The following ACE variants were observed in gnomAD, a reference collection of about 807,000 sequenced individuals.
ACE encodes angiotensin I converting enzyme.
ACE carries 122 observed loss-of-function variants against 162.3 expected under a neutral mutation model. The observed-to-expected ratio is 0.75, with a 90% CI of 0.65 to 0.87. The LOEUF (loss-of-function observed/expected upper bound fraction) is 0.87. ACE is among the 40% of genes least tolerant of loss of function. The probability of loss-of-function intolerance (pLI) is 0.00; values close to 1 mark genes in which losing one functional copy is unlikely to be tolerated. For synonymous variants in ACE, 796 were observed against 720.6 expected, an observed-to-expected ratio of 1.10 and a Z score of -1.68; for missense variants, 1,799 against 1,735.1, an observed-to-expected ratio of 1.04 and a Z score of -0.65.
rs576744905 is a variant in ACE at position 63,477,356 on chromosome 17, G to T, written c.249+13G>T. 12 of 1,278,846 alleles carry T rather than the reference G, an allele frequency of 9.4e-6. No homozygotes were observed. In the Admixed American group the frequency reaches 2.8e-4, roughly 30 times the overall value. The allele number at this position is 1,278,846 out of a possible 1,614,324, so 79.2% of individuals were successfully genotyped here. A position where few individuals can be genotyped will look rare whatever the true frequency, so the allele number is the denominator to read the frequency against. On this transcript the variant is annotated intron_variant, in intron 1 of 24. Coordinates refer to ENST00000290866, the MANE Select transcript of ACE (RefSeq NM_000789.4). ...TGCAAGGCGCCAGGTGGGCGCCCGG[G>T]CCCGGGCGGGGGCGGGGCGGGGCCG...
chr17:63,486,170 A>T, intron 13 of ACE: 1 of 331,136 alleles, frequency 3.0e-6, no homozygotes, highest in South Asian at 2.8e-5. Context: ...CTGTTGCCTC[A>T]TCTTTTTCTC....
chr17:63,484,172 C>T lies in ACE; in HGVS notation c.1710-158C>T, dbSNP rs1189670161. On this transcript the variant is annotated intron_variant, in intron 11 of 24. Coordinates refer to ENST00000290866, the MANE Select transcript of ACE (RefSeq NM_000789.4). This position sits in a 1 kb window ranked among gnomAD's most constrained non-coding sequence, Gnocchi z 4.0. ...CTGGCATGGGGCGACACAAATGCCCCCTGCCACCATCAGAGAGATCCCAGG... is the reference window on the plus strand; with the variant it reads ...CTGGCATGGGGCGACACAAATGCCCTCTGCCACCATCAGAGAGATCCCAGG... 6.6e-6 allele frequency among the ~76,000 whole-genome samples: 1 copy of T among 152,212 alleles called. No individual in the cohort carries two copies. The highest frequency in any genetic ancestry group is 1.5e-5 in the Non-Finnish European group (1 of 68,036).
In ACE at chr17:63,483,032, G is replaced by C. The variant is rs373076770; in HGVS notation, c.1346G>C (p.Ser449Thr). The change falls in exon 9 of 25, where the codon AGT (serine) becomes ACT (threonine). Residue 449 changes from serine (S) to threonine (T), a missense_variant. Coordinates refer to ENST00000290866, the MANE Select transcript of ACE (RefSeq NM_000789.4). ...CTTTCATCTCATCTCCCAACAGAAA[G>C]TGACATCAATTACTTGCTAAAAATG... ...LLDRVTNDTE[S>T]DINYLLKMAL... 2 of 1,613,996 alleles carry C rather than the reference G, an allele frequency of 1.2e-6. No homozygotes were observed. Among genetic ancestry groups the C allele is most frequent in the Non-Finnish European group, 1.7e-6 (2 of 1,180,010 alleles).
At chr17:63,496,762 C>G in intron 23 of ACE, 36 bp from the exon 24 acceptor site, 1 of 1,608,606 alleles carries the variant, frequency 6.2e-7, no homozygotes, top group South Asian at 1.1e-5. Flanking sequence ...GGGCCATGTC[C>G]TTCTGACTCT....
rs1188044442 is a variant in ACE at position 63,478,024 on chromosome 17, C to T, written c.343C>T (p.Pro115Ser). Residue 115 changes from proline (P) to serine (S), a missense_variant, in exon 2 of 25, where the codon CCG (proline) becomes TCG (serine). Transcript: ENST00000290866. Reference protein sequence around the residue: ...YEPIWQNFTDPQLRRIIGAVR... With the variant: ...YEPIWQNFTDSQLRRIIGAVR... ...ACCGATCTGGCAGAACTTCACGGAC[C>T]CGCAGCTGCGCAGGATCATCGGAGC... The T allele has an allele frequency of 1.2e-6, 2 of 1,609,714 alleles. No individual in the cohort carries two copies. Among genetic ancestry groups the T allele is most frequent in the East Asian group, 2.2e-5 (1 of 44,740 alleles).
At chr17:63,478,640 G>A (rs760908844) in intron 2 of ACE, 2 of 373,108 alleles carry the variant, frequency 5.4e-6, no homozygotes, top group Non-Finnish European at 1.0e-5. Context: ...CCCAGCCTGC[G>A]TGACAGAGTG....
Position 63,488,367 on chromosome 17 carries a change from A to G in ACE, c.2306-281A>G, listed in dbSNP as rs1282450512. ...GAGTGAGACCCTGTCTCAGAAAAAA[A>G]AAAAAAAAAAAAAAGGAGAGGAGAG... is the stretch of plus-strand genomic sequence containing the variant. On this transcript the variant is annotated intron_variant, in intron 15 of 24. Transcript: ENST00000290866. 1.5e-3 allele frequency among the ~76,000 whole-genome samples: 216 copies of G among 146,176 alleles called. 1 individual carries two copies. The highest frequency in any genetic ancestry group is 2.4e-3 in the African/African-American group (94 of 39,784).
At chr17:63,489,714 C>G (rs2030240796) in intron 17 of ACE, among the ~76,000 whole-genome samples, 1 of 152,194 alleles carries the variant, frequency 6.6e-6, no homozygotes, top group African/African-American at 2.4e-5. Flanking sequence ...AAAGCAGAGG[C>G]TACTGGTTCT....
At position 63,483,112 on chromosome 17, in the gene ACE, T is replaced by TG. The variant is rs1246593224; in HGVS notation, c.1432dup (p.Val478GlyfsTer3). 3.7e-6 allele frequency: 6 copies of TG among 1,614,038 alleles called. No homozygotes were observed. Among genetic ancestry groups the TG allele is most frequent in the South Asian group, 1.1e-5 (1 of 91,088 alleles). ...TGGCTACTTGGTGGACCAGTGGCGC[T>TG]GGGGGGTCTTTAGTGGGCGTACCCC... On this transcript the variant is annotated frameshift_variant, in exon 9 of 25. Transcript: ENST00000290866. LOFTEE classifies it high-confidence loss of function.
At chr17:63,480,053 G>A in intron 4 of ACE, 141 bp downstream of exon 4, 2 of 1,356,048 alleles carry the variant, frequency 1.5e-6, no homozygotes, top group Non-Finnish European at 1.0e-6. Context: ...GTGGAGGTGG[G>A]ACCGGCCTGC....
rs1599149133 is a variant in ACE, at chr17:63,488,810, C to T, written c.2449+19C>T. 6.2e-7 allele frequency: 1 copy of T among 1,614,064 alleles called. No individual in the cohort carries two copies. The highest frequency in any genetic ancestry group is 8.5e-7 in the Non-Finnish European group (1 of 1,180,032). Reference sequence around the variant, plus strand: ...CTCAATGGTGAGTCCCTGCTGCCAACATCACTGGCACTTGGGTCCCTTCAT... The same window carrying T: ...CTCAATGGTGAGTCCCTGCTGCCAATATCACTGGCACTTGGGTCCCTTCAT... On this transcript the variant is annotated intron_variant, in intron 16 of 24. Transcript: ENST00000290866.
At chr17:63,493,387 T>C in intron 19 of ACE, 49 bp from the exon 20 acceptor site, 5 of 1,575,216 alleles carry the variant, frequency 3.2e-6, no homozygotes, top group South Asian at 2.2e-5. Flanking sequence ...TGCCCAGGGC[T>C]TCTCACTGTC....
chr17:63,483,567 G>GCGGGGGGGGCCCCCCCCCCC lies in ACE; in HGVS notation c.1586+10_1586+11insGGGGGGGGCCCCCCCCCCCC. 6 of 1,589,260 alleles carry GCGGGGGGGGCCCCCCCCCCC rather than the reference G, an allele frequency of 3.8e-6. No individual in the cohort carries two copies. Among genetic ancestry groups the GCGGGGGGGGCCCCCCCCCCC allele is most frequent in the Non-Finnish European group, 4.3e-6 (5 of 1,165,488 alleles). Reference sequence around the variant, plus strand: ...GTGACACCATACATCAGGTATTAGCGCCCCCACCCCACCCACCCCCAGTAC... The same window carrying GCGGGGGGGGCCCCCCCCCCC: ...GTGACACCATACATCAGGTATTAGCGCGGGGGGGGCCCCCCCCCCCCCCCCACCCCACCCACCCCCAGTAC... On this transcript the variant is annotated intron_variant, in intron 10 of 24. Coordinates refer to ENST00000290866, the MANE Select transcript of ACE (RefSeq NM_000789.4).
Position 63,483,189 on chromosome 17 carries a change from G to C in ACE, c.1487+16G>C. On this transcript the variant is annotated intron_variant, in intron 9 of 24. Coordinates refer to ENST00000290866, the MANE Select transcript of ACE (RefSeq NM_000789.4). ...GGTATCTTCGGTGAGAGGAGGGATA[G>C]AAAAGCCTTCGCCCCAGCTAGCCCT... The C allele has an allele frequency of 6.2e-7, 1 of 1,613,236 alleles. No individual in the cohort carries two copies.
At chr17:63,495,807 A>G (rs969609255) in intron 22 of ACE, among the ~76,000 whole-genome samples, 1 of 152,224 alleles carries the variant, frequency 6.6e-6, no homozygotes, top group Admixed American at 6.5e-5. Flanking sequence ...CACTTTTAGG[A>G]AAGACCAGGG....
chr17:63,497,520 C>T lies in ACE; in HGVS notation c.*154C>T, dbSNP rs2030845053. On this transcript the variant is annotated 3_prime_UTR_variant, in exon 25 of 25. Transcript: ENST00000290866. ...CCTCCCCTCCCAGTCCTCCAGACCA[C>T]CAGCCGCCCCAGCCCCTTCTCCCAG... 1 of 738,710 alleles carries T rather than the reference C, an allele frequency of 1.4e-6. No individual in the cohort carries two copies. Among genetic ancestry groups the T allele is most frequent in the Non-Finnish European group, 2.4e-6 (1 of 418,782 alleles). 45.8% of individuals were successfully genotyped at this position (738,710 alleles called of 1,614,324 possible). A position where few individuals can be genotyped will look rare whatever the true frequency, so the allele number is the denominator to read the frequency against.
intron 21 of ACE, 120 bp from the exon 22 acceptor site, chr17:63,494,252 G>T: frequency 3.2e-6 from 4 of 1,254,082 alleles, no homozygotes; most frequent in Non-Finnish European, 4.6e-6. Context: ...GGCCCAGCAC[G>T]CAGGAGAATG....
At position 63,490,936 on chromosome 17, in the gene ACE, C is replaced by T. The variant is rs750306633; in HGVS notation, c.2642-18C>T. 1 of 1,612,388 alleles carries T rather than the reference C, an allele frequency of 6.2e-7. No homozygotes were observed. On this transcript the variant is annotated intron_variant, in intron 17 of 24. Transcript: ENST00000290866. ...ATTTGTCTTTCCTCTCTCTGCCGTC[C>T]CCCACACTCGCCTCCAGGGAACATG... is the stretch of plus-strand genomic sequence containing the variant.
In ACE at chr17:63,481,774, C is replaced by A. The variant is rs759958916; in HGVS notation, c.1118+36C>A. On this transcript the variant is annotated intron_variant, in intron 7 of 24. Coordinates refer to ENST00000290866, the MANE Select transcript of ACE (RefSeq NM_000789.4). ...GGGAAGAGCACGTTCTGGGGTTCCC[C>A]GGTTCTGGGGCCCGGGGAAAGGCAG... 2.3e-5 allele frequency: 37 copies of A among 1,613,254 alleles called. No homozygotes were observed. In the East Asian group the frequency reaches 8.0e-4, roughly 35 times the overall value.
Sources: gnomAD v4.1 joint callset for allele counts (sites outside exome capture counted in the v4.1 genomes callset) on GRCh38, gnomAD v4.1.1 for gene constraint, Gnocchi (gnomAD v3.1) non-coding constraint, MANE v1.5 for transcripts, NCBI Gene and HGNC (gene_info 2026-07-23, HGNC 2026-07-21) for gene names.